Variants in THSD7B observed in about 807,000 individuals in gnomAD.
THSD7B encodes the protein thrombospondin type 1 domain containing 7B, also known as thrombospondin type-1 domain-containing protein 7B.
THSD7B carries 138 observed loss-of-function variants against 213.6 expected under a neutral mutation model. The observed-to-expected ratio is 0.65, with a 90% confidence interval of 0.56 to 0.74. The LOEUF (loss-of-function observed/expected upper bound fraction) is 0.74, where lower values mean the gene tolerates loss of function less well. Among genes scored for constraint, THSD7B ranks in the 30% least tolerant of loss-of-function variants. The pLI is 0.00. For synonymous variants in THSD7B, 742 were observed against 687.0 expected (o/e 1.08, Z -1.25); for missense variants, 1,931 against 1,991.5 (o/e 0.97, Z 0.58).
At chr2:136,812,892 A>C (rs984474344) in intron 1 of THSD7B, among the ~76,000 whole-genome samples, 2 of 152,194 alleles carry the variant, frequency 1.3e-5, no homozygotes, top group Non-Finnish European at 2.9e-5. Context: ...CTTTGCTCTG[A>C]AAATGCATTA....
chr2:137,493,286 G>A (rs546216903), intron 15 of THSD7B, among the ~76,000 whole-genome samples: 5 of 152,118 alleles, frequency 3.3e-5, no homozygotes, highest in African/African-American at 9.6e-5. Flanking sequence ...TACTGAAGAC[G>A]TTTCTTTATA....
At chr2:137,671,700 C>T (rs1322274210) in intron 27 of THSD7B, among the ~76,000 whole-genome samples, 2 of 152,162 alleles carry the variant, frequency 1.3e-5, no homozygotes, top group African/African-American at 4.8e-5. Context: ...TCTCTCTTCA[C>T]ATGTGGGGAT....
At chr2:137,542,498 G>T (rs1372191896) in intron 15 of THSD7B, among the ~76,000 whole-genome samples, 1 of 151,520 alleles carries the variant, frequency 6.6e-6, no homozygotes. Context: ...ATTCAAATCT[G>T]CACAGAGAAA....
intron 12 of THSD7B, among the ~76,000 whole-genome samples, chr2:137,318,374 G>A (rs1168233266): frequency 1.3e-5 from 2 of 152,122 alleles, no homozygotes; most frequent in Non-Finnish European, 2.9e-5. Flanking sequence ...GAGACTTAAT[G>A]TCTTTATTTG....
intron 17 of THSD7B, among the ~76,000 whole-genome samples, chr2:137,607,294 T>C (rs535532114): frequency 6.6e-6 from 1 of 152,288 alleles, no homozygotes; most frequent in Non-Finnish European, 1.5e-5. Context: ...TCTTTTTCTG[T>C]ATATCTCTAT....
chr2:137,399,693 A>T (rs909082682), intron 12 of THSD7B, among the ~76,000 whole-genome samples: 1 of 151,834 alleles, frequency 6.6e-6, no homozygotes, highest in African/African-American at 2.4e-5. Context: ...CTTTTTTTGC[A>T]GTGTATTTGA....
chr2:137,410,730 A>C (rs1686635201), intron 13 of THSD7B, among the ~76,000 whole-genome samples: 1 of 152,214 alleles, frequency 6.6e-6, no homozygotes, highest in Non-Finnish European at 1.5e-5. Flanking sequence ...CATAAACACA[A>C]AAAATAGACC....
intron 1 of THSD7B, among the ~76,000 whole-genome samples, chr2:136,833,194 T>C (rs1246347357): frequency 6.6e-6 from 1 of 151,800 alleles, no homozygotes; most frequent in Non-Finnish European, 1.5e-5. Flanking sequence ...TGAAACCCCG[T>C]CTCTACTAAA....
At position 137,464,375 on chromosome 2, in the gene THSD7B, A is replaced by G. The variant is rs142098081; in HGVS notation, c.3138+13352A>G. Among the ~76,000 whole-genome samples, 1,004 of 152,182 alleles carry G rather than the reference A, an allele frequency of 6.6e-3. 5 individuals carry two copies. The highest frequency in any genetic ancestry group is 9.7e-3 in the Non-Finnish European group (662 of 67,980). On this transcript the variant is annotated intron_variant, in intron 15 of 27. Transcript: ENST00000409968. ...TTAAGTGCAGACAACACCATTAGGA[A>G]AGTGAGTAGGAAGTGTTACAAAGAG... is the stretch of plus-strand genomic sequence containing the variant.
chr2:136,957,035 G>A (rs1685138781), intron 2 of THSD7B, among the ~76,000 whole-genome samples: 1 of 151,982 alleles, frequency 6.6e-6, no homozygotes, highest in South Asian at 2.1e-4. Context: ...CCCACCCAAC[G>A]TTCATTGCCC....
At chr2:137,551,124 T>A (rs75866449) in intron 15 of THSD7B, among the ~76,000 whole-genome samples, 4 of 151,316 alleles carry the variant, frequency 2.6e-5, no homozygotes, top group Non-Finnish European at 4.4e-5. Flanking sequence ...TCAGAAAAAA[T>A]TATTCTTCAA....
At chr2:137,594,089 G>A (rs1681914229) in intron 17 of THSD7B, among the ~76,000 whole-genome samples, 1 of 151,966 alleles carries the variant, frequency 6.6e-6, no homozygotes, top group Admixed American at 6.6e-5. Context: ...ACTGAAAAGG[G>A]AAAGAAGCCA....
intron 2 of THSD7B, among the ~76,000 whole-genome samples, chr2:137,028,686 C>T (rs558158081): frequency 1.2e-4 from 19 of 152,274 alleles, no homozygotes; most frequent in Admixed American, 8.5e-4. Flanking sequence ...TAAGTGCCAT[C>T]GTAAGAAAGA....
chr2:137,085,364 T>C (rs1178548379), intron 3 of THSD7B, among the ~76,000 whole-genome samples: 3 of 151,756 alleles, frequency 2.0e-5, no homozygotes, highest in African/African-American at 7.3e-5. Flanking sequence ...GAGGACAAAA[T>C]AAATAGAAAT....
intron 4 of THSD7B, among the ~76,000 whole-genome samples, chr2:137,109,007 A>G (rs771264176): frequency 5.3e-5 from 8 of 152,178 alleles, no homozygotes; most frequent in Non-Finnish European, 1.0e-4. Flanking sequence ...GGAATCATCC[A>G]TCACTACTCT....
intron 2 of THSD7B, among the ~76,000 whole-genome samples, chr2:137,002,994 T>C (rs1053198709): frequency 1.3e-5 from 2 of 152,174 alleles, no homozygotes; most frequent in Middle Eastern, 3.2e-3. Flanking sequence ...TCTGAATAAA[T>C]TAACCCTGCA....
intron 15 of THSD7B, among the ~76,000 whole-genome samples, chr2:137,463,132 T>C (rs80022473): frequency 1.9e-3 from 282 of 152,240 alleles, no homozygotes; most frequent in Non-Finnish European, 3.5e-3. Context: ...TCCTTCTACA[T>C]TGGATTTAAA....
At chr2:137,386,693 A>C (rs1685903762) in intron 12 of THSD7B, among the ~76,000 whole-genome samples, 1 of 152,172 alleles carries the variant, frequency 6.6e-6, no homozygotes, top group African/African-American at 2.4e-5. Flanking sequence ...TCATAAGGCC[A>C]GTAACCCCTG....
At chr2:137,059,951 G>A (rs1687241322) in intron 3 of THSD7B, among the ~76,000 whole-genome samples, 1 of 152,186 alleles carries the variant, frequency 6.6e-6, no homozygotes, top group Admixed American at 6.5e-5. Context: ...AAACTGCCCA[G>A]CTGTCTTCCA....
Sources: allele counts gnomAD v4.1 joint callset (sites outside exome capture counted in the v4.1 genomes callset), GRCh38; gene constraint gnomAD v4.1.1; transcripts MANE v1.5; gene names NCBI Gene and HGNC (gene_info 2026-07-23, HGNC 2026-07-21).